The following FBXL22 variants were observed in gnomAD, a reference collection of about 807,000 sequenced individuals.
FBXL22 encodes the protein F-box and leucine rich repeat protein 22.
In FBXL22, 13 loss-of-function variants were observed where a neutral mutation model predicts 11.7. The ratio of observed to expected loss-of-function variants is 1.11; its 90% CI spans 0.73 to 1.77. FBXL22 has a LOEUF of 1.77. Among genes scored for constraint, FBXL22 ranks in the 40% most tolerant of loss-of-function variants. FBXL22 has a pLI of 0.00. For missense variants in FBXL22, 406 were observed against 320.4 expected (o/e 1.27, Z -2.04); for synonymous variants, 160 against 144.1 (o/e 1.11, Z -0.79).
chr15:63,607,951 G>A, the FBXL22 span, among the ~76,000 whole-genome samples: 16 of 152,324 alleles, frequency 1.1e-4, no homozygotes, highest in East Asian at 3.1e-3. Context: ...AGGGCCCGCA[G>A]GGGCTAGCTG....
chr15:63,604,830 G>A (rs982803000), downstream of FBXL22, among the ~76,000 whole-genome samples: 2 of 152,148 alleles, frequency 1.3e-5, no homozygotes, highest in African/African-American at 2.4e-5. Flanking sequence ...CAAGGCGGGC[G>A]GATCACCTGA....
At chr15:63,606,678 A>G (rs1382448629), downstream of FBXL22, among the ~76,000 whole-genome samples, 2 of 152,092 alleles carry the variant, frequency 1.3e-5, no homozygotes, top group Non-Finnish European at 2.9e-5. Flanking sequence ...ACATAGTGAG[A>G]CCCTGTCTCT....
At chr15:63,606,205 G>A (rs2067412220), downstream of FBXL22, among the ~76,000 whole-genome samples, 1 of 152,178 alleles carries the variant, frequency 6.6e-6, no homozygotes, top group African/African-American at 2.4e-5. Context: ...TTTCCCTCCA[G>A]CTCTAGGATT....
chr15:63,604,179 G>T (rs1050825691), downstream of FBXL22, among the ~76,000 whole-genome samples: 2 of 152,122 alleles, frequency 1.3e-5, no homozygotes, highest in African/African-American at 4.8e-5. Context: ...GGACAGATTG[G>T]CCCTCTCCAA....
chr15:63,597,859 A>T lies in FBXL22; in HGVS notation c.353+114A>T, dbSNP rs2067298678. 1.0e-6 allele frequency: 1 copy of T among 989,822 alleles called. No individual in the cohort carries two copies. Among genetic ancestry groups the T allele is most frequent in the Admixed American group, 2.8e-5 (1 of 35,350 alleles). The allele number at this position is 989,822 out of a possible 1,614,324, so 61.3% of individuals were successfully genotyped here. A position where few individuals can be genotyped will look rare whatever the true frequency, so the allele number is the denominator to read the frequency against. On this transcript the variant is annotated intron_variant, in intron 1 of 1. Transcript: ENST00000638704. The surrounding 1 kb of genome is among the most constrained non-coding windows in gnomAD (Gnocchi z 4.3). ...GATGGCTCCACCTTCGGGGCGCCTC[A>T]AACTAGGCCCAAGGCAGACATCCAG...
At chr15:63,601,766 G>C, downstream of FBXL22, 5 of 1,443,022 alleles carry the variant, frequency 3.5e-6, no homozygotes, top group Non-Finnish European at 4.6e-6. Context: ...ATTTTCTACT[G>C]TTCTCATAAG....
In FBXL22 at chr15:63,598,609, C is replaced by T. The variant is rs2067312801; in HGVS notation, c.353+864C>T. 5.3e-5 allele frequency among the ~76,000 whole-genome samples: 8 copies of T among 152,298 alleles called. No individual in the cohort carries two copies. In the South Asian group the frequency reaches 1.5e-3, roughly 28 times the overall value. ...CCGTGCTGCCTTTGAGGAAAAACAC[C>T]CCCTTGATCATATAACAAACTGGCC... On this transcript the variant is annotated intron_variant, in intron 1 of 1. Coordinates refer to ENST00000638704, the MANE Select transcript of FBXL22 (RefSeq NM_001367807.1).
the FBXL22 span, among the ~76,000 whole-genome samples, chr15:63,608,176 C>T: frequency 6.6e-6 from 1 of 152,134 alleles, no homozygotes; most frequent in African/African-American, 2.4e-5. Flanking sequence ...TGTAAACTAC[C>T]CTGTTCTTTA....
At chr15:63,602,351 G>A (rs529238135), downstream of FBXL22, 1 of 152,368 alleles carries the variant, frequency 6.6e-6, no homozygotes, top group East Asian at 1.9e-4. Context: ...AGGAGGCCAA[G>A]ATGGGCGATT....
intron 1 of FBXL22, 49 bp from the exon 2 acceptor site, chr15:63,600,648 G>A (rs959232002): frequency 8.1e-7 from 1 of 1,231,174 alleles, no homozygotes; most frequent in Non-Finnish European, 1.0e-6. Flanking sequence ...GGGCGGTTGG[G>A]TAGCTTTAAC....
chr15:63,602,585 C>CAAA (rs35457809), downstream of FBXL22, among the ~76,000 whole-genome samples: 12 of 74,580 alleles, frequency 1.6e-4, no homozygotes, highest in South Asian at 4.8e-4. Context: ...ACTCTTGTCT[C>CAAA]AAAAAAAAAA....
At chr15:63,599,045 G>C in intron 1 of FBXL22, 1 of 715,854 alleles carries the variant, frequency 1.4e-6, no homozygotes, top group Non-Finnish European at 2.4e-6. Context: ...TCAGCACTCT[G>C]CTGAGCCGCT....
chr15:63,599,282 C>T (rs1488456455), intron 1 of FBXL22: 15 of 1,499,946 alleles, frequency 1.0e-5, no homozygotes, highest in Non-Finnish European at 1.3e-5. Context: ...GGCAGGGGGA[C>T]AGTCCGCTCT....
chr15:63,606,430 G>C (rs2067413223), downstream of FBXL22, among the ~76,000 whole-genome samples: 1 of 152,226 alleles, frequency 6.6e-6, no homozygotes, highest in Non-Finnish European at 1.5e-5. Flanking sequence ...TCTGTTAAGT[G>C]AATGAGGCCA....
At position 63,597,990 on chromosome 15, in the gene FBXL22, G is replaced by A. The variant is rs1167446892; in HGVS notation, c.353+245G>A. Among the ~76,000 whole-genome samples the A allele has an allele frequency of 6.6e-6, 1 of 152,234 alleles. No individual in the cohort carries two copies. Among genetic ancestry groups the A allele is most frequent in the Non-Finnish European group, 1.5e-5 (1 of 68,044 alleles). ...CTGGGCTGCTTCATGCAAACACCAA[G>A]AAGTGGGGCCTCCGTACTGGTAGTC... On this transcript the variant is annotated intron_variant, in intron 1 of 1. Coordinates refer to ENST00000638704, the MANE Select transcript of FBXL22 (RefSeq NM_001367807.1). This position sits in a 1 kb window ranked among gnomAD's most constrained non-coding sequence, Gnocchi z 4.3.
chr15:63,607,865 C>T, the FBXL22 span, among the ~76,000 whole-genome samples: 1 of 152,290 alleles, frequency 6.6e-6, no homozygotes, highest in South Asian at 2.1e-4. Flanking sequence ...AAAGCCCTCC[C>T]AGCTGCTCTC....
chr15:63,600,832 G>A lies in FBXL22; in HGVS notation c.489G>A (p.Thr163=). The A allele has an allele frequency of 3.3e-6, 4 of 1,230,608 alleles. No individual in the cohort carries two copies. The highest frequency in any genetic ancestry group is 4.1e-6 in the Non-Finnish European group (4 of 987,220). 76.2% of individuals were successfully genotyped at this position (1,230,608 alleles called of 1,614,324 possible). Residue 163 remains threonine, a synonymous_variant, in exon 2 of 2, where the codon ACG becomes ACA. Coordinates refer to ENST00000638704, the MANE Select transcript of FBXL22 (RefSeq NM_001367807.1). ...LENCARVTNR[T]LAAVAADGRA... is the part of the protein sequence containing the mutation. The stretch of plus-strand genomic sequence containing the variant: ...ACTGCGCGCGCGTCACCAACCGCAC[G>A]TTGGCTGCCGTGGCGGCGGACGGGC...
rs1417468206 is a variant in FBXL22, at chr15:63,601,120, AC to A, written c.*83del. 2 of 1,328,536 alleles carry A rather than the reference AC, an allele frequency of 1.5e-6. No homozygotes were observed. The highest frequency in any genetic ancestry group is 1.9e-6 in the Non-Finnish European group (2 of 1,042,266). The allele number at this position is 1,328,536 out of a possible 1,614,324, so 82.3% of individuals were successfully genotyped here. ...TCGAACCCAGCTCTTCCACCTTCAG[AC>A]CACCACCGCATATTCTGAGCCTCAT... is the stretch of plus-strand genomic sequence containing the variant. On this transcript the variant is annotated 3_prime_UTR_variant, in exon 2 of 2. Coordinates refer to ENST00000638704, the MANE Select transcript of FBXL22 (RefSeq NM_001367807.1).
Position 63,600,907 on chromosome 15 carries a change from C to A in FBXL22, c.564C>A (p.Ala188=), listed in dbSNP as rs1378678561. 1.6e-6 allele frequency: 2 copies of A among 1,219,552 alleles called. No individual in the cohort carries two copies. The allele number at this position is 1,219,552 out of a possible 1,614,324, so 75.5% of individuals were successfully genotyped here. A position where few individuals can be genotyped will look rare whatever the true frequency, so the allele number is the denominator to read the frequency against. ...ACTTCTGCCGCAACGTGAGCGCGGC[C>A]GGCCTGCGCCGCCTGCGCGCCGCGT... The part of the protein sequence containing the change: ...HVDFCRNVSA[A]GLRRLRAACP... Residue 188 remains alanine (A), a synonymous_variant, in exon 2 of 2, where the codon GCC becomes GCA. Transcript: ENST00000638704.
Sources: gnomAD v4.1 joint callset for allele counts (sites outside exome capture counted in the v4.1 genomes callset) on GRCh38, gnomAD v4.1.1 for gene constraint, Gnocchi (gnomAD v3.1) non-coding constraint, MANE v1.5 for transcripts, NCBI Gene and HGNC (gene_info 2026-07-23, HGNC 2026-07-21) for gene names.